Variants in ECE1 observed in about 807,000 individuals in gnomAD.
ECE1 encodes endothelin-converting enzyme 1.
A neutral mutation model predicts 98.6 loss-of-function variants in ECE1; 35 were observed. The observed-to-expected ratio is 0.35, with a 90% confidence interval of 0.27 to 0.47. The LOEUF is 0.47. Among genes scored for constraint, ECE1 ranks in the 20% least tolerant of loss-of-function variants. ECE1 has a pLI of 1.00. For synonymous variants in ECE1, 394 were observed against 407.1 expected, an observed-to-expected ratio of 0.97 and a Z score of 0.39; for missense variants, 814 against 1,025.3, an observed-to-expected ratio of 0.79 and a Z score of 2.81.
intron 8 of ECE1, among the ~76,000 whole-genome samples, chr1:21,254,975 G>GC (rs757555502): frequency 3.1e-4 from 47 of 152,266 alleles, no homozygotes; most frequent in Admixed American, 9.2e-4. Flanking sequence ...GGCTCCCAGG[G>GC]CCCGCTGCTT....
At chr1:21,221,974 A>G (rs2098168030) in intron 17 of ECE1, 132 bp from the exon 18 acceptor site, 1 of 793,302 alleles carries the variant, frequency 1.3e-6, no homozygotes, top group East Asian at 2.5e-5. Flanking sequence ...GCCTGGGCTC[A>G]GCCTAGGGGA....
At chr1:21,290,930 T>G (rs1205351332), upstream of ECE1, among the ~76,000 whole-genome samples, 1 of 152,068 alleles carries the variant, frequency 6.6e-6, no homozygotes, top group African/African-American at 2.4e-5. This position sits in a 1 kb window ranked among gnomAD's most constrained non-coding sequence, Gnocchi z 7.3. Context: ...TTCAGAAAAT[T>G]TCAGAGAACT....
intron 10 of ECE1, among the ~76,000 whole-genome samples, chr1:21,244,626 A>G (rs2098200759): frequency 6.6e-6 from 1 of 152,078 alleles, no homozygotes; most frequent in Admixed American, 6.6e-5. Flanking sequence ...AATAACACTG[A>G]ACAGTCGCGT....
chr1:21,233,589 C>G lies in ECE1; in HGVS notation c.1639G>C (p.Asp547His). The change falls in exon 14 of 19, where the codon GAT becomes CAT. Residue 547 changes from aspartate to histidine, a missense_variant. By Grantham distance (81) the Asp-to-His change is moderately conservative. Coordinates refer to ENST00000374893, the MANE Select transcript of ECE1 (RefSeq NM_001397.3). The surrounding 1 kb of genome is among the most constrained non-coding windows in gnomAD (Gnocchi z 4.0). ...CTGTTGGGGGCTTTCCTGAGCTGAT[C>G]GGCAGTGACCCTCCATGAGAAGTTG... ...FFNFSWRVTA[D>H]QLRKAPNRDQ... The G allele has an allele frequency of 6.2e-7, 1 of 1,613,806 alleles. No individual in the cohort carries two copies.
chr1:21,334,382 G>A (rs956193281), intron 1 of ECE1, among the ~76,000 whole-genome samples: 5 of 152,206 alleles, frequency 3.3e-5, no homozygotes, highest in African/African-American at 1.2e-4. Context: ...GGAAGATGAA[G>A]TGCCGCTTTC....
intron 1 of ECE1, among the ~76,000 whole-genome samples, chr1:21,333,343 CG>C (rs1199430234): frequency 9.4e-5 from 6 of 63,762 alleles, no homozygotes; most frequent in Admixed American, 5.5e-4. Context: ...GTGGGGGGGG[CG>C]GGGGGGTGGG....
At chr1:21,256,637 A>G (rs1322457180) in intron 7 of ECE1, 1 of 152,224 alleles carries the variant, frequency 6.6e-6, no homozygotes, top group Non-Finnish European at 1.5e-5. Flanking sequence ...CTGCTTCCCT[A>G]CAGCCTCCAG....
At chr1:21,238,346 G>A (rs1043876365) in intron 10 of ECE1, 102 bp from the exon 11 acceptor site, 3 of 918,474 alleles carry the variant, frequency 3.3e-6, no homozygotes, top group Non-Finnish European at 5.2e-6. Flanking sequence ...GCTTTGTTCT[G>A]GAAGTTCAGG....
chr1:21,243,162 A>C (rs2098198654), intron 10 of ECE1, among the ~76,000 whole-genome samples: 1 of 152,174 alleles, frequency 6.6e-6, no homozygotes, highest in Admixed American at 6.6e-5. Flanking sequence ...AACTTTGAAC[A>C]AGTCCCTTTC....
chr1:21,286,106 A>G (rs1367283216), intron 2 of ECE1, among the ~76,000 whole-genome samples: 1 of 152,236 alleles, frequency 6.6e-6, no homozygotes, highest in Admixed American at 6.5e-5. Context: ...AACAACAACA[A>G]AAAAAGATTT....
intron 11 of ECE1, 72 bp from the exon 12 acceptor site, chr1:21,236,916 A>G: frequency 7.4e-7 from 1 of 1,353,132 alleles, no homozygotes; most frequent in East Asian, 2.3e-5. Flanking sequence ...CACCCCGTGC[A>G]GAACAATGAT....
At position 21,235,444 on chromosome 1, in the gene ECE1, G is replaced by A. The variant is rs1258788335; in HGVS notation, c.1566+406C>T. Reference sequence around the variant, plus strand: ...GTAACTGGAAGCACGACCAGGGAGGGAGGAGGTGGTGTGGGGGTTTTCCCA... The same window carrying A: ...GTAACTGGAAGCACGACCAGGGAGGAAGGAGGTGGTGTGGGGGTTTTCCCA... On this transcript the variant is annotated intron_variant, in intron 13 of 18. Coordinates refer to ENST00000374893, the MANE Select transcript of ECE1 (RefSeq NM_001397.3). This position sits in a 1 kb window ranked among gnomAD's most constrained non-coding sequence, Gnocchi z 4.2. Among the ~76,000 whole-genome samples, 2 of 151,992 alleles carry A rather than the reference G, an allele frequency of 1.3e-5. No individual in the cohort carries two copies. The highest frequency in any genetic ancestry group is 2.9e-5 in the Non-Finnish European group (2 of 68,038).
At chr1:21,330,870 C>T (rs1243723829) in intron 1 of ECE1, among the ~76,000 whole-genome samples, 1 of 152,196 alleles carries the variant, frequency 6.6e-6, no homozygotes. Context: ...TTAATTTCTT[C>T]CCTTTGCTGG....
intron 8 of ECE1, among the ~76,000 whole-genome samples, chr1:21,250,078 C>T (rs2103269232): frequency 6.6e-6 from 1 of 152,174 alleles, no homozygotes; most frequent in African/African-American, 2.4e-5. Context: ...CGCGTCTGGC[C>T]CCACAGATTT....
chr1:21,256,133 C>G lies in ECE1; in HGVS notation c.834G>C (p.Leu278=). Residue 278 remains leucine, a synonymous_variant, in exon 8 of 19, where the codon CTG becomes CTC. Transcript: ENST00000374893. ...GGACCATGTAGTTCAGATATCCGGTCAGCACCTGCAGGGCCCATACCCCAA... is the reference window on the plus strand; with the variant it reads ...GGACCATGTAGTTCAGATATCCGGTGAGCACCTGCAGGGCCCATACCCCAA... The part of the protein sequence containing the change: ...YLNKTENEKV[L]TGYLNYMVQL... 6.2e-6 allele frequency: 10 copies of G among 1,600,002 alleles called. No individual in the cohort carries two copies. The highest frequency in any genetic ancestry group is 8.6e-6 in the Non-Finnish European group (10 of 1,168,772).
Position 21,219,875 on chromosome 1 carries a change from G to T in ECE1, c.*80C>A. 1 of 1,586,228 alleles carries T rather than the reference G, an allele frequency of 6.3e-7. No homozygotes were observed. The highest frequency in any genetic ancestry group is 1.1e-5 in the South Asian group (1 of 88,788). The stretch of plus-strand genomic sequence containing the variant: ...AGGGCCCCGGGTGGCCAAGCGGGCT[G>T]AGCAATGCCCTGGAGGCTGGATGGG... On this transcript the variant is annotated 3_prime_UTR_variant, in exon 19 of 19. Coordinates refer to ENST00000374893, the MANE Select transcript of ECE1 (RefSeq NM_001397.3). This position sits in a 1 kb window ranked among gnomAD's most constrained non-coding sequence, Gnocchi z 4.5.
chr1:21,291,241 A>G (rs2098266344), upstream of ECE1, among the ~76,000 whole-genome samples: 1 of 152,242 alleles, frequency 6.6e-6, no homozygotes, highest in African/African-American at 2.4e-5. Context: ...CACTGTCCCA[A>G]CCAAGAACCC....
At chr1:21,253,300 A>C (rs901677884) in intron 8 of ECE1, among the ~76,000 whole-genome samples, 11 of 151,914 alleles carry the variant, frequency 7.2e-5, no homozygotes, top group Middle Eastern at 3.4e-3. Context: ...CAGGTGATCC[A>C]CCTGCCTCGG....
intron 9 of ECE1, among the ~76,000 whole-genome samples, 180 bp downstream of exon 9, chr1:21,247,041 A>C (rs2098204638): frequency 6.6e-6 from 1 of 152,210 alleles, no homozygotes; most frequent in African/African-American, 2.4e-5. Context: ...CAAAGCTGGT[A>C]GTTTGAAAGA....
Sources: allele counts gnomAD v4.1 joint callset (sites outside exome capture counted in the v4.1 genomes callset), GRCh38; gene constraint gnomAD v4.1.1; non-coding constraint Gnocchi (gnomAD v3.1); transcripts MANE v1.5; gene names NCBI Gene and HGNC (gene_info 2026-07-23, HGNC 2026-07-21).